Variants in EZR observed in about 807,000 individuals in gnomAD.
The protein encoded by EZR is ezrin, also known as cytovillin 2.
In EZR, 40 loss-of-function variants were observed where a neutral mutation model predicts 74.8. The ratio of observed to expected loss-of-function variants is 0.53; its 90% CI spans 0.42 to 0.70. The LOEUF (loss-of-function observed/expected upper bound fraction) is 0.70, where lower values mean the gene tolerates loss of function less well. Ranked by LOEUF, EZR falls within the 30% of genes least tolerant of loss-of-function variation. The pLI, the probability that EZR is intolerant of heterozygous loss-of-function variation, is 0.00. For synonymous variants in EZR, 341 were observed against 283.3 expected (o/e 1.20, Z -2.05); for missense variants, 678 against 755.8 (o/e 0.90, Z 1.21).
intron 2 of EZR, among the ~76,000 whole-genome samples, chr6:158,810,368 G>GC (rs777564141): frequency 6.6e-5 from 10 of 152,132 alleles, no homozygotes; most frequent in Non-Finnish European, 1.5e-5. Flanking sequence ...GATCTTACCA[G>GC]CCGGGAGGCC....
intron 7 of EZR, among the ~76,000 whole-genome samples, chr6:158,781,961 T>C (rs1450409142): frequency 6.6e-6 from 1 of 152,136 alleles, no homozygotes; most frequent in African/African-American, 2.4e-5. Flanking sequence ...GGTTTCGCCA[T>C]GTTCCCCAGG....
Position 158,769,328 on chromosome 6 carries a change from T to C in EZR, c.1342A>G (p.Arg448Gly), listed in dbSNP as rs2128564118. 3.1e-6 allele frequency: 5 copies of C among 1,609,240 alleles called. No homozygotes were observed. Among genetic ancestry groups the C allele is most frequent in the Non-Finnish European group, 4.2e-6 (5 of 1,179,944 alleles). The part of the protein sequence containing the change: ...KEDEVEEWQH[R>G]AKEAQDDLVK... ...AGGTGTCCCCCGTGCAGACTCACCC[T>C]GTGCTGCCACTCTTCAACTTCATCC... Residue 448 changes from arginine (R) to glycine (G), a missense_variant and splice_region_variant, in exon 12 of 14, where the codon AGG becomes GGG. Arg to Gly is a moderately radical substitution (Grantham distance 125, BLOSUM62 -2). Around this residue, in one of 3 missense-constraint regions of EZR, gnomAD observed 342 missense variants for 341.2 expected, o/e 1.00. Coordinates refer to ENST00000367075, the MANE Select transcript of EZR (RefSeq NM_001111077.2).
At chr6:158,794,291 CCACCAGCACTACCACCAGCACCAG>C (rs1777010712) in intron 2 of EZR, among the ~76,000 whole-genome samples, 1 of 152,100 alleles carries the variant, frequency 6.6e-6, no homozygotes, top group South Asian at 2.1e-4. Context: ...ACCACAACCA[CCACCAGCACTACCACCAGCACCAG>C]CACCAGCACC....
At chr6:158,782,223 G>A (rs1459341838) in intron 7 of EZR, among the ~76,000 whole-genome samples, 1 of 152,164 alleles carries the variant, frequency 6.6e-6, no homozygotes, top group Non-Finnish European at 1.5e-5. Flanking sequence ...AGAGGAGGTT[G>A]GGCACAGCTG....
rs932346722 is a variant in EZR at position 158,780,182 on chromosome 6, C to A, written c.698+3338G>T. Among the ~76,000 whole-genome samples the A allele has an allele frequency of 4.9e-3, 618 of 127,068 alleles. 5 individuals are homozygous for A. Among genetic ancestry groups the A allele is most frequent in the African/African-American group, 0.014 (478 of 35,310 alleles). The allele number at this position is 127,068 out of a possible 152,430, so 83.4% of individuals were successfully genotyped here. ...TGGGTGACACAGTGAGATTCCATAT[C>A]AAAAAAAAAAAAAAAACCAAGAATG... On this transcript the variant is annotated intron_variant, in intron 7 of 13. Coordinates refer to ENST00000367075, the MANE Select transcript of EZR (RefSeq NM_001111077.2).
intron 2 of EZR, among the ~76,000 whole-genome samples, chr6:158,811,208 T>G (rs1777443884): frequency 6.6e-6 from 1 of 152,220 alleles, no homozygotes; most frequent in Non-Finnish European, 1.5e-5. Context: ...ACACATTTAC[T>G]GCTGAAATTA....
At chr6:158,795,070 G>A (rs937096081) in intron 2 of EZR, among the ~76,000 whole-genome samples, 1 of 151,646 alleles carries the variant, frequency 6.6e-6, no homozygotes, top group Non-Finnish European at 1.5e-5. Context: ...TGGCCAACAT[G>A]GTAAAACCCC....
chr6:158,816,600 G>C (rs3102968), intron 2 of EZR, among the ~76,000 whole-genome samples: 17,232 of 152,198 alleles, frequency 0.11, 1,010 homozygotes, highest in Middle Eastern at 0.15. Context: ...TCGATGTCAC[G>C]TGTCACTTTT....
At chr6:158,786,901 T>C (rs1346292583) in intron 4 of EZR, among the ~76,000 whole-genome samples, 1 of 152,218 alleles carries the variant, frequency 6.6e-6, no homozygotes, top group Non-Finnish European at 1.5e-5. Flanking sequence ...TATGCTCCAA[T>C]GAGTGAGCAC....
rs1260932237 is a variant in EZR at position 158,787,214 on chromosome 6, G to C, written c.97-11C>G. 1.2e-6 allele frequency: 2 copies of C among 1,608,684 alleles called. No homozygotes were observed. The highest frequency in any genetic ancestry group is 3.3e-5 in the Admixed American group (2 of 59,984). On this transcript the variant is annotated splice_polypyrimidine_tract_variant and intron_variant, in intron 3 of 13. Coordinates refer to ENST00000367075, the MANE Select transcript of EZR (RefSeq NM_001111077.2). ...GATAGTCTTTACCACCTGCGTGAGA[G>C]AGAGAGAGGCTCAACACTCATGAGA...
chr6:158,801,067 CGAGCCTGCAGT>C (rs1777177150), intron 2 of EZR, among the ~76,000 whole-genome samples: 2 of 152,156 alleles, frequency 1.3e-5, no homozygotes, highest in Non-Finnish European at 1.5e-5. Context: ...CCTAGGAGGT[CGAGCCTGCAGT>C]GAGCCATGCT....
At chr6:158,794,703 T>A (rs981235050) in intron 2 of EZR, among the ~76,000 whole-genome samples, 1 of 152,172 alleles carries the variant, frequency 6.6e-6, no homozygotes. Context: ...TCACGTGTAG[T>A]ACAGGTGTGT....
intron 2 of EZR, among the ~76,000 whole-genome samples, chr6:158,810,149 T>G (rs1777423516): frequency 6.6e-6 from 1 of 152,202 alleles, no homozygotes; most frequent in Non-Finnish European, 1.5e-5. Context: ...CAATAAAAGG[T>G]GGGTCATGGT....
Position 158,776,393 on chromosome 6 carries a change from T to A in EZR, c.795+15A>T. On this transcript the variant is annotated intron_variant, in intron 8 of 13. Transcript: ENST00000367075. ...GAAAAACAGTAGCCCCTGAATAGAA[T>A]CCTTTGGAACTTACAGGTGCCTTCT... 6.3e-7 allele frequency: 1 copy of A among 1,595,432 alleles called. No individual in the cohort carries two copies. The highest frequency in any genetic ancestry group is 8.6e-7 in the Non-Finnish European group (1 of 1,163,016).
chr6:158,788,375 G>A (rs1222210705), intron 3 of EZR: 2 of 152,296 alleles, frequency 1.3e-5, no homozygotes, highest in Non-Finnish European at 2.9e-5. Flanking sequence ...AGCTGAGCGT[G>A]GTGGCTCACA....
Position 158,766,325 on chromosome 6 carries a change from T to TAC in EZR, c.*588_*589insGT, listed in dbSNP as rs1790833525. ...AAAAAAAAAAAAACAAAAAAAAAAA[T>TAC]CCAAGTGTCCTCCTCCACCACTCAC... On this transcript the variant is annotated 3_prime_UTR_variant, in exon 14 of 14. Coordinates refer to ENST00000367075, the MANE Select transcript of EZR (RefSeq NM_001111077.2). The TAC allele has an allele frequency of 7.5e-6, 1 of 133,038 alleles. No individual in the cohort carries two copies. Among genetic ancestry groups the TAC allele is most frequent in the African/African-American group, 2.7e-5 (1 of 36,364 alleles). 8.2% of individuals were successfully genotyped at this position (133,038 alleles called of 1,614,324 possible). A position where few individuals can be genotyped will look rare whatever the true frequency, so the allele number is the denominator to read the frequency against.
chr6:158,785,760 C>T (rs184637215), intron 4 of EZR, among the ~76,000 whole-genome samples, 177 bp from the exon 5 acceptor site: 3 of 152,300 alleles, frequency 2.0e-5, no homozygotes, highest in Non-Finnish European at 4.4e-5. Context: ...AAAGTGCTAC[C>T]ACAGGCCAGA....
intron 3 of EZR, 37 bp from the exon 4 acceptor site, chr6:158,787,240 AACTC>A (rs1791608614): frequency 1.9e-6 from 3 of 1,569,302 alleles, no homozygotes; most frequent in Admixed American, 1.7e-5. Flanking sequence ...ACTCATGAGA[AACTC>A]ACTCAAAAGG....
At chr6:158,796,635 A>G (rs1370282611) in intron 2 of EZR, among the ~76,000 whole-genome samples, 1 of 129,758 alleles carries the variant, frequency 7.7e-6, no homozygotes, top group Non-Finnish European at 1.8e-5. Flanking sequence ...AAGGGACAAA[A>G]ATGGGGATAT....
Sources: allele counts gnomAD v4.1 joint callset (sites outside exome capture counted in the v4.1 genomes callset), GRCh38; gene constraint gnomAD v4.1.1; regional missense constraint gnomAD v4.1.1; transcripts MANE v1.5; gene names NCBI Gene and HGNC (gene_info 2026-07-23, HGNC 2026-07-21).